Variants in CSMD1 observed in about 807,000 individuals in gnomAD.
The protein encoded by CSMD1 is CUB and sushi domain-containing protein 1.
In CSMD1, 213 loss-of-function variants were observed where a neutral mutation model predicts 417.5. That is an observed-to-expected ratio of 0.51 (90% CI 0.46 to 0.57). The LOEUF is 0.57. Among genes scored for constraint, CSMD1 ranks in the 20% least tolerant of loss-of-function variants. The pLI is 0.00. For synonymous variants in CSMD1, 2,862 were observed against 1,736.8 expected, an observed-to-expected ratio of 1.65 and a Z score of -16.11; for missense variants, 6,923 against 4,529.7, an observed-to-expected ratio of 1.53 and a Z score of -15.17.
Position 3,726,200 on chromosome 8 carries a change from G to A in CSMD1, c.932-17709C>T, listed in dbSNP as rs560026827. ...AATCAGCTCTTGGAACTCAGCCTCC[G>A]TTGCCTGCAGCCCCAGCCAGCATTG... is the stretch of plus-strand genomic sequence containing the variant. On this transcript the variant is annotated intron_variant, in intron 6 of 69. Transcript: ENST00000635120. 7.9e-5 allele frequency among the ~76,000 whole-genome samples: 12 copies of A among 152,250 alleles called. No individual in the cohort carries two copies. In the East Asian group the frequency reaches 9.7e-4, roughly 12 times the overall value.
At chr8:4,561,348 C>T (rs986658087) in intron 2 of CSMD1, among the ~76,000 whole-genome samples, 2 of 152,002 alleles carry the variant, frequency 1.3e-5, no homozygotes, top group South Asian at 2.1e-4. Context: ...CACTCCAGCC[C>T]GGTGACAGAA....
At chr8:3,711,856 G>C (rs560269329) in intron 6 of CSMD1, among the ~76,000 whole-genome samples, 1 of 152,136 alleles carries the variant, frequency 6.6e-6, no homozygotes, top group Non-Finnish European at 1.5e-5. Flanking sequence ...ATAATAAAGA[G>C]CATAGAACTC....
At chr8:3,634,611 T>G (rs1796941670) in intron 7 of CSMD1, among the ~76,000 whole-genome samples, 1 of 152,182 alleles carries the variant, frequency 6.6e-6, no homozygotes, top group South Asian at 2.1e-4. Flanking sequence ...CTGAGCTCTG[T>G]GCAGCCTTCT....
Position 3,408,150 on chromosome 8 carries a change from T to A in CSMD1, c.1820A>T (p.Asn607Ile), listed in dbSNP as rs953695161. ...SPNYPEEYGN[N>I]MNCVWLIISE... Reference sequence around the variant, plus strand: ...GATAATCAACCAGACACAGTTCATGTTGTTCCCATATTCCTCTGGATAATT... The same window carrying A: ...GATAATCAACCAGACACAGTTCATGATGTTCCCATATTCCTCTGGATAATT... Residue 607 changes from asparagine to isoleucine, a missense_variant, in exon 14 of 70, where the codon AAC (asparagine) becomes ATC (isoleucine). By Grantham distance (149) the Asn-to-Ile change is moderately radical. Transcript: ENST00000635120. 3 of 1,613,370 alleles carry A rather than the reference T, an allele frequency of 1.9e-6. No individual in the cohort carries two copies. The highest frequency in any genetic ancestry group is 1.3e-5 in the African/African-American group (1 of 74,892).
intron 30 of CSMD1, among the ~76,000 whole-genome samples, chr8:3,210,248 T>C (rs994277899): frequency 1.4e-4 from 21 of 152,254 alleles, no homozygotes; most frequent in Middle Eastern, 3.4e-3. Flanking sequence ...TTTCCAGATT[T>C]ATAACATAAA....
chr8:3,545,509 G>A (rs780217259), intron 10 of CSMD1, among the ~76,000 whole-genome samples: 27 of 152,166 alleles, frequency 1.8e-4, no homozygotes, highest in Non-Finnish European at 3.1e-4. Context: ...GAGTGATAAA[G>A]AATCATACTG....
intron 8 of CSMD1, among the ~76,000 whole-genome samples, chr8:3,587,557 C>A (rs1446520558): frequency 6.6e-6 from 1 of 152,098 alleles, no homozygotes; most frequent in Non-Finnish European, 1.5e-5. Flanking sequence ...AAATCCATAT[C>A]TATAATATCA....
intron 3 of CSMD1, among the ~76,000 whole-genome samples, chr8:4,138,070 T>TGGA (rs1803543363): frequency 9.4e-4 from 97 of 103,248 alleles, no homozygotes; most frequent in Non-Finnish European, 1.7e-3. Flanking sequence ...TTTTTTTTTT[T>TGGA]TTTTTTTTTT....
intron 2 of CSMD1, among the ~76,000 whole-genome samples, chr8:4,484,133 G>A (rs1054628456): frequency 2.0e-5 from 3 of 151,548 alleles, no homozygotes; most frequent in Non-Finnish European, 4.4e-5. Flanking sequence ...CACAACAAAG[G>A]CTAGAAGGAT....
At chr8:3,836,634 A>G (rs963131147) in intron 5 of CSMD1, among the ~76,000 whole-genome samples, 2 of 152,154 alleles carry the variant, frequency 1.3e-5, no homozygotes, top group African/African-American at 4.8e-5. Context: ...ACCTGAATCA[A>G]ATTACACATT....
chr8:4,646,165 A>G (rs1431964656), intron 1 of CSMD1, among the ~76,000 whole-genome samples: 1 of 152,240 alleles, frequency 6.6e-6, no homozygotes, highest in African/African-American at 2.4e-5. Context: ...TTATAGAAAC[A>G]TAGCACCCAT....
intron 1 of CSMD1, among the ~76,000 whole-genome samples, chr8:4,929,979 T>A (rs191217925): frequency 1.3e-5 from 2 of 152,332 alleles, no homozygotes; most frequent in Admixed American, 6.5e-5. Flanking sequence ...AGATCAGGAA[T>A]TTTAACATTT....
At chr8:3,505,170 G>T (rs1192521918) in intron 10 of CSMD1, among the ~76,000 whole-genome samples, 1 of 152,164 alleles carries the variant, frequency 6.6e-6, no homozygotes, top group South Asian at 2.1e-4. Flanking sequence ...AAAGAGGGTA[G>T]AGTAAGTATT....
chr8:3,653,577 G>A (rs577754133), intron 7 of CSMD1, among the ~76,000 whole-genome samples: 1 of 152,288 alleles, frequency 6.6e-6, no homozygotes, highest in East Asian at 1.9e-4. Flanking sequence ...CCAAAGTGCT[G>A]GGATTTCAGG....
intron 26 of CSMD1, among the ~76,000 whole-genome samples, chr8:3,263,166 G>A (rs549966456): frequency 6.6e-5 from 10 of 152,134 alleles, no homozygotes; most frequent in African/African-American, 1.7e-4. Context: ...TGGCATGATC[G>A]CAGCTCACTG....
In CSMD1 at chr8:2,937,454, A is replaced by AAAAAAAAAAAC. The variant is rs1563163139; in HGVS notation, c.*1130_*1131insGTTTTTTTTTT. ...GTAAAAGACAAAAAAAAAAAAAAACAAAAAAAAAACACTGCAAAAGGGAAG... is the reference window on the plus strand; with the variant it reads ...GTAAAAGACAAAAAAAAAAAAAAACAAAAAAAAAAACAAAAAAAAACACTGCAAAAGGGAAG... On this transcript the variant is annotated 3_prime_UTR_variant, in exon 70 of 70. Coordinates refer to ENST00000635120, the MANE Select transcript of CSMD1 (RefSeq NM_033225.6). The AAAAAAAAAAAC allele has an allele frequency of 3.2e-3, 224 of 69,682 alleles. No individual in the cohort carries two copies. The highest frequency in any genetic ancestry group is 5.9e-3 in the East Asian group (9 of 1,538). The allele number at this position is 69,682 out of a possible 1,614,324, so 4.3% of individuals were successfully genotyped here. A position where few individuals can be genotyped will look rare whatever the true frequency, so the allele number is the denominator to read the frequency against.
Position 4,212,751 on chromosome 8 carries a change from C to CTTTTTTTTTTTTTTTTTTTTT in CSMD1, c.416-180673_416-180653dup, listed in dbSNP as rs5889027. ...AAAAGTTTACAACAGCGGCCTTATT[C>CTTTTTTTTTTTTTTTTTTTTT]TTTTTTTTTTTTTTTTTTTTTTTTT... On this transcript the variant is annotated intron_variant, in intron 3 of 69. Transcript: ENST00000635120. Among the ~76,000 whole-genome samples the CTTTTTTTTTTTTTTTTTTTTT allele has an allele frequency of 7.7e-4, 76 of 99,204 alleles. 6 individuals are homozygous for CTTTTTTTTTTTTTTTTTTTTT. Among genetic ancestry groups the CTTTTTTTTTTTTTTTTTTTTT allele is most frequent in the East Asian group, 5.1e-3 (14 of 2,768 alleles). The allele number at this position is 99,204 out of a possible 152,430, so 65.1% of individuals were successfully genotyped here.
intron 2 of CSMD1, among the ~76,000 whole-genome samples, chr8:4,496,995 T>C (rs1439308828): frequency 1.3e-5 from 2 of 152,160 alleles, no homozygotes; most frequent in African/African-American, 4.8e-5. Flanking sequence ...ACAATAAGGC[T>C]TGAAAAGAAA....
chr8:4,088,556 A>G lies in CSMD1; in HGVS notation c.416-56457T>C, dbSNP rs183137632. 4.3e-3 allele frequency among the ~76,000 whole-genome samples: 659 copies of G among 152,274 alleles called. 4 individuals are homozygous for G. Among genetic ancestry groups the G allele is most frequent in the Middle Eastern group, 0.027 (8 of 294 alleles). ...GCAAAACTAAATCTCTCAAACCTTA[A>G]AAAGAAATATCATTTCCTGAGACTA... On this transcript the variant is annotated intron_variant, in intron 3 of 69. Transcript: ENST00000635120.
Sources: gnomAD v4.1 joint callset for allele counts (sites outside exome capture counted in the v4.1 genomes callset) on GRCh38, gnomAD v4.1.1 for gene constraint, MANE v1.5 for transcripts, NCBI Gene and HGNC (gene_info 2026-07-23, HGNC 2026-07-21) for gene names.